GADL1: variants seen among roughly 807,000 people sequenced by gnomAD.
GADL1 encodes the protein acidic amino acid decarboxylase GADL1.
GADL1 carries 71 observed loss-of-function variants against 69.5 expected under a neutral mutation model. That is an observed-to-expected ratio of 1.02 (90% CI 0.84 to 1.25). GADL1 has a LOEUF of 1.25. GADL1 is among the 50% of genes most tolerant of loss of function. GADL1 has a pLI of 0.00. For synonymous variants in GADL1, 254 were observed against 214.4 expected, an observed-to-expected ratio of 1.18 and a Z score of -1.62; for missense variants, 737 against 631.8, an observed-to-expected ratio of 1.17 and a Z score of -1.79.
chr3:30,786,787 T>C (rs1375712522), intron 12 of GADL1, among the ~76,000 whole-genome samples: 1 of 152,200 alleles, frequency 6.6e-6, no homozygotes, highest in Admixed American at 6.5e-5. Flanking sequence ...AGTTTTTTGT[T>C]TTGTTTTGTT....
intron 1 of GADL1, among the ~76,000 whole-genome samples, chr3:30,862,112 A>G (rs1220112316): frequency 6.6e-6 from 1 of 151,932 alleles, no homozygotes; most frequent in Non-Finnish European, 1.5e-5. Context: ...CCCATGCTAG[A>G]TGGTGTTTGA....
intron 1 of GADL1, among the ~76,000 whole-genome samples, chr3:30,885,437 C>T (rs1698690253): frequency 6.6e-6 from 1 of 152,016 alleles, no homozygotes; most frequent in South Asian, 2.1e-4. Context: ...AAAAGCCTGG[C>T]CTAAAGTAAG....
chr3:30,771,856 C>G (rs990323581), intron 14 of GADL1, among the ~76,000 whole-genome samples: 1 of 152,092 alleles, frequency 6.6e-6, no homozygotes, highest in African/African-American at 2.4e-5. Context: ...CCTAAGAGAT[C>G]AGGAGACGTT....
intron 14 of GADL1, among the ~76,000 whole-genome samples, chr3:30,762,935 T>C (rs1053658008): frequency 6.6e-6 from 1 of 152,222 alleles, no homozygotes; most frequent in Non-Finnish European, 1.5e-5. Context: ...TATGGTTGAC[T>C]AGTATTCCAT....
intron 6 of GADL1, among the ~76,000 whole-genome samples, chr3:30,849,701 C>T (rs1698115794): frequency 6.6e-6 from 1 of 151,996 alleles, no homozygotes; most frequent in Admixed American, 6.6e-5. Context: ...TAAGTACTAA[C>T]AAATAAGACA....
In GADL1 at chr3:30,800,907, C is replaced by G; in HGVS notation, c.1232G>C (p.Arg411Pro). 1 of 1,608,724 alleles carries G rather than the reference C, an allele frequency of 6.2e-7. No homozygotes were observed. Among genetic ancestry groups the G allele is most frequent in the Non-Finnish European group, 8.5e-7 (1 of 1,178,644 alleles). ...CTAGTACCTAGATAAAGCAAGAGCA[C>G]GATTAACTCTTTCTTCAAGGCCTAA... The part of the protein sequence containing the change: ...GTLGLEERVN[R>P]ALALSRYLVD... Residue 411 changes from arginine (R) to proline (P), a missense_variant, in exon 12 of 15, where the codon CGT becomes CCT. Physicochemically the swap from Arg to Pro is moderately radical, Grantham distance 103. Transcript: ENST00000282538.
chr3:30,864,810 C>A (rs1277321815), intron 1 of GADL1, among the ~76,000 whole-genome samples: 1 of 151,936 alleles, frequency 6.6e-6, no homozygotes, highest in East Asian at 1.9e-4. Flanking sequence ...CTTTTCATCA[C>A]CCCCACTTTT....
At chr3:30,761,197 T>C (rs1363909261) in intron 14 of GADL1, among the ~76,000 whole-genome samples, 1 of 152,226 alleles carries the variant, frequency 6.6e-6, no homozygotes, top group Non-Finnish European at 1.5e-5. Flanking sequence ...AATCAGGCTA[T>C]ATTTCTATCA....
intron 4 of GADL1, among the ~76,000 whole-genome samples, chr3:30,851,623 C>G (rs1433559698): frequency 6.6e-6 from 1 of 151,558 alleles, no homozygotes; most frequent in Non-Finnish European, 1.5e-5. Context: ...CAGGGTCACA[C>G]CCATTCTTGT....
rs1695378689 is a variant in GADL1, at chr3:30,727,110, CAT to C, written c.*1130_*1131del. On this transcript the variant is annotated 3_prime_UTR_variant, in exon 15 of 15. Coordinates refer to ENST00000282538, the MANE Select transcript of GADL1 (RefSeq NM_207359.3). ...TATATATATATATACTATACACACA[CAT>C]ATGTATGTGTGTGTATATATATACA... 6.7e-6 allele frequency: 1 copy of C among 148,798 alleles called. No homozygotes were observed. Among genetic ancestry groups the C allele is most frequent in the African/African-American group, 2.5e-5 (1 of 40,802 alleles). 9.2% of individuals were successfully genotyped at this position (148,798 alleles called of 1,614,324 possible). A position where few individuals can be genotyped will look rare whatever the true frequency, so the allele number is the denominator to read the frequency against.
chr3:30,806,697 G>A (rs1333260213), intron 11 of GADL1, among the ~76,000 whole-genome samples: 7 of 152,232 alleles, frequency 4.6e-5, no homozygotes, highest in East Asian at 1.9e-4. Flanking sequence ...CCTTAGAGGT[G>A]TGAGAGATGG....
At chr3:30,757,267 T>C (rs936164696) in intron 14 of GADL1, among the ~76,000 whole-genome samples, 56 of 148,208 alleles carry the variant, frequency 3.8e-4, no homozygotes, top group African/African-American at 1.4e-3. Flanking sequence ...AGATCTCCTT[T>C]TAAATATAGC....
At chr3:30,754,736 TGA>T (rs1220339589) in intron 14 of GADL1, among the ~76,000 whole-genome samples, 1 of 152,118 alleles carries the variant, frequency 6.6e-6, no homozygotes, top group Non-Finnish European at 1.5e-5. Context: ...AATTAAGCAG[TGA>T]GATGTTTACT....
chr3:30,875,317 A>T (rs183595373), intron 1 of GADL1, among the ~76,000 whole-genome samples: 1 of 151,916 alleles, frequency 6.6e-6, no homozygotes, highest in Non-Finnish European at 1.5e-5. Context: ...CCAATTTTGC[A>T]ATCTATCATA....
intron 14 of GADL1, among the ~76,000 whole-genome samples, chr3:30,745,680 T>A (rs1695691762): frequency 6.6e-6 from 1 of 152,234 alleles, no homozygotes; most frequent in Admixed American, 6.5e-5. Context: ...GTGTCAAATG[T>A]GCTCAGAAGC....
At position 30,727,634 on chromosome 3, in the gene GADL1, G is replaced by T. The variant is rs1382773570; in HGVS notation, c.*608C>A. 6.6e-6 allele frequency: 1 copy of T among 152,090 alleles called. No homozygotes were observed. The allele number at this position is 152,090 out of a possible 1,614,324, so 9.4% of individuals were successfully genotyped here. ...TATTTTTTCAAAGACTGGCTCAGAG[G>T]CTTCTGAAATATTAGATATCCCTTT... is the stretch of plus-strand genomic sequence containing the variant. On this transcript the variant is annotated 3_prime_UTR_variant, in exon 15 of 15. Coordinates refer to ENST00000282538, the MANE Select transcript of GADL1 (RefSeq NM_207359.3).
At chr3:30,843,753 T>C (rs1698008715) in intron 8 of GADL1, among the ~76,000 whole-genome samples, 1 of 152,144 alleles carries the variant, frequency 6.6e-6, no homozygotes, top group South Asian at 2.1e-4. Flanking sequence ...GGTTTGGGAT[T>C]GGAAGCAACC....
At position 30,742,604 on chromosome 3, in the gene GADL1, C is replaced by A. The variant is rs1052391543; in HGVS notation, c.1393-14189G>T. Reference sequence around the variant, plus strand: ...CATTTAAATATTATAAAATTCAGGTCTTTTCTGGTCATTATATTGGCTGGT... The same window carrying A: ...CATTTAAATATTATAAAATTCAGGTATTTTCTGGTCATTATATTGGCTGGT... On this transcript the variant is annotated intron_variant, in intron 14 of 14. Transcript: ENST00000282538. Among the ~76,000 whole-genome samples the A allele has an allele frequency of 5.9e-5, 9 of 151,814 alleles. No individual in the cohort carries two copies. In the East Asian group the frequency reaches 1.5e-3, roughly 26 times the overall value.
chr3:30,765,989 A>C (rs924339587), intron 14 of GADL1, among the ~76,000 whole-genome samples: 13 of 152,180 alleles, frequency 8.5e-5, no homozygotes, highest in African/African-American at 2.7e-4. Flanking sequence ...AGGGGTACTC[A>C]TGCTCAGGTG....
Sources: gnomAD v4.1 joint callset for allele counts (sites outside exome capture counted in the v4.1 genomes callset) on GRCh38, gnomAD v4.1.1 for gene constraint, MANE v1.5 for transcripts, NCBI Gene and HGNC (gene_info 2026-07-23, HGNC 2026-07-21) for gene names.